PIK3CA: variants seen among roughly 807,000 people sequenced by gnomAD.
PIK3CA encodes the protein phosphatidylinositol-4,5-bisphosphate 3-kinase catalytic subunit alpha.
In PIK3CA, 27 loss-of-function variants were observed where a neutral mutation model predicts 138.2. The observed-to-expected ratio is 0.20, with a 90% confidence interval of 0.14 to 0.27. PIK3CA has a LOEUF of 0.27. PIK3CA is among the 10% of genes least tolerant of loss of function. PIK3CA has a pLI of 1.00. For synonymous variants in PIK3CA, 358 were observed against 413.2 expected, an observed-to-expected ratio of 0.87 and a Z score of 1.62; for missense variants, 544 against 1,277.4, an observed-to-expected ratio of 0.43 and a Z score of 8.75.
intron 1 of PIK3CA, among the ~76,000 whole-genome samples, chr3:179,176,598 A>G (rs954355358): frequency 8.5e-5 from 13 of 152,250 alleles, no homozygotes; most frequent in Non-Finnish European, 1.8e-4. Context: ...CTGTTCCTTC[A>G]CGACTTTGCT....
At chr3:179,161,247 T>C (rs772470028) in intron 1 of PIK3CA, among the ~76,000 whole-genome samples, 17 of 152,224 alleles carry the variant, frequency 1.1e-4, no homozygotes, top group Non-Finnish European at 1.8e-4. Flanking sequence ...CATAGATTTG[T>C]CACCTTATTT....
intron 1 of PIK3CA, among the ~76,000 whole-genome samples, chr3:179,194,354 C>T (rs577947439): frequency 6.6e-6 from 1 of 152,094 alleles, no homozygotes; most frequent in Admixed American, 6.6e-5. Flanking sequence ...CTCCTGAGTA[C>T]CTGGGACCAT....
chr3:179,171,769 T>G (rs114674484), intron 1 of PIK3CA, among the ~76,000 whole-genome samples: 3,803 of 152,144 alleles, frequency 0.025, 168 homozygotes, highest in African/African-American at 0.087. Flanking sequence ...AAAGAAAATC[T>G]GGGCTTTAAT....
chr3:179,156,167 G>A (rs1443210167), intron 1 of PIK3CA, among the ~76,000 whole-genome samples: 1 of 152,212 alleles, frequency 6.6e-6, no homozygotes, highest in East Asian at 1.9e-4. Context: ...AGGTCCTTGT[G>A]TGAAATTCTG....
intron 1 of PIK3CA, among the ~76,000 whole-genome samples, chr3:179,172,958 A>G (rs553131367): frequency 4.6e-4 from 70 of 152,322 alleles, no homozygotes; most frequent in African/African-American, 1.6e-3. Flanking sequence ...TAGCATAAGG[A>G]TAGACATATA....
intron 18 of PIK3CA, 109 bp downstream of exon 18, chr3:179,229,551 C>A: frequency 7.3e-6 from 5 of 687,368 alleles, no homozygotes; most frequent in Non-Finnish European, 1.1e-5. Context: ...ATTGTACTTT[C>A]TATGGAAAAA....
At position 179,187,340 on chromosome 3, in the gene PIK3CA, A is replaced by G. The variant is rs561148597; in HGVS notation, c.-76-11410A>G. ...ATCACGAGGTCAGGAGATCGAGACC[A>G]TCCTGGCTAACACGGTGAAACCCCG... On this transcript the variant is annotated intron_variant, in intron 1 of 20. Coordinates refer to ENST00000263967, the MANE Select transcript of PIK3CA (RefSeq NM_006218.4). Among the ~76,000 whole-genome samples the G allele has an allele frequency of 3.2e-3, 485 of 151,938 alleles. 1 individual carries two copies. Among genetic ancestry groups the G allele is most frequent in the African/African-American group, 0.011 (467 of 41,480 alleles).
chr3:179,206,303 C>T (rs1167478432), intron 6 of PIK3CA, among the ~76,000 whole-genome samples: 6 of 152,088 alleles, frequency 3.9e-5, no homozygotes, highest in South Asian at 2.1e-4. Flanking sequence ...GGTGATCCCA[C>T]CCACCTTGGC....
chr3:179,199,302 TAAA>T, intron 2 of PIK3CA, 125 bp downstream of exon 2: 4 of 602,436 alleles, frequency 6.6e-6, no homozygotes, highest in South Asian at 2.9e-5. Flanking sequence ...ATAAAAATCA[TAAA>T]TCTAAAGTAT....
Position 179,224,170 on chromosome 3 carries a change from T to C in PIK3CA, c.2277T>C (p.His759=), listed in dbSNP as rs1056341727. Residue 759 remains histidine, a synonymous_variant, in exon 15 of 21, where the codon CAT becomes CAC. Transcript: ENST00000263967. ...TTCTGTCTCCTCTAAACCCTGCTCA[T>C]CAACTAGGAAACCTCAGGTACTTTC... ...QGFLSPLNPA[H]QLGNLRLEEC... 1 of 1,564,690 alleles carries C rather than the reference T, an allele frequency of 6.4e-7. No homozygotes were observed. The highest frequency in any genetic ancestry group is 8.7e-7 in the Non-Finnish European group (1 of 1,143,136).
At chr3:179,222,289 G>A (rs1385384458) in intron 14 of PIK3CA, among the ~76,000 whole-genome samples, 1 of 152,084 alleles carries the variant, frequency 6.6e-6, no homozygotes, top group Non-Finnish European at 1.5e-5. Flanking sequence ...GTCATACAGT[G>A]TGAGTTGATT....
intron 1 of PIK3CA, among the ~76,000 whole-genome samples, chr3:179,181,042 T>C (rs1460153023): frequency 6.6e-6 from 1 of 151,974 alleles, no homozygotes. Flanking sequence ...TTTGTGTGTT[T>C]TGTCCTGGCA....
At chr3:179,205,449 T>A (rs1560140247) in intron 6 of PIK3CA, among the ~76,000 whole-genome samples, 1 of 152,184 alleles carries the variant, frequency 6.6e-6, no homozygotes, top group Non-Finnish European at 1.5e-5. Flanking sequence ...ATTAAAAACC[T>A]AGCATTTTAT....
At chr3:179,166,688 CAATT>C (rs1162239824) in intron 1 of PIK3CA, among the ~76,000 whole-genome samples, 1 of 152,176 alleles carries the variant, frequency 6.6e-6, no homozygotes, top group Admixed American at 6.5e-5. Context: ...TATTCTGCAA[CAATT>C]AAGGCAAACA....
intron 1 of PIK3CA, among the ~76,000 whole-genome samples, chr3:179,158,428 T>C (rs1350389710): frequency 2.0e-5 from 3 of 152,134 alleles, no homozygotes; most frequent in Non-Finnish European, 2.9e-5. Flanking sequence ...CCAGCACTTA[T>C]CTTAATAGCA....
chr3:179,212,878 T>A (rs1724751178), intron 9 of PIK3CA, among the ~76,000 whole-genome samples: 1 of 152,246 alleles, frequency 6.6e-6, no homozygotes, highest in Non-Finnish European at 1.5e-5. Context: ...ATAGTACATA[T>A]ACCAAGTAAG....
intron 1 of PIK3CA, among the ~76,000 whole-genome samples, chr3:179,154,048 C>G (rs1723073731): frequency 6.6e-6 from 1 of 152,192 alleles, no homozygotes; most frequent in Non-Finnish European, 1.5e-5. Flanking sequence ...CTTTCCCTCT[C>G]TACCTATACA....
chr3:179,182,927 A>AT lies in PIK3CA; in HGVS notation c.-76-15817dup, dbSNP rs1208857715. On this transcript the variant is annotated intron_variant, in intron 1 of 20. Transcript: ENST00000263967. The stretch of plus-strand genomic sequence containing the variant: ...CTGTATTGTATTATCGAAAAGATGG[A>AT]TTTTTTAGAAATCTGTGCTTACATG... Among the ~76,000 whole-genome samples, 5 of 152,306 alleles carry AT rather than the reference A, an allele frequency of 3.3e-5. No homozygotes were observed. In the East Asian group the frequency reaches 9.6e-4, roughly 29 times the overall value.
At chr3:179,226,788 T>A (rs946529140) in intron 17 of PIK3CA, among the ~76,000 whole-genome samples, 2 of 152,150 alleles carry the variant, frequency 1.3e-5, no homozygotes, top group Non-Finnish European at 2.9e-5. Context: ...AGTTGTACCC[T>A]TTTATTGCAA....
Sources: gnomAD v4.1 joint callset for allele counts (sites outside exome capture counted in the v4.1 genomes callset) on GRCh38, gnomAD v4.1.1 for gene constraint, MANE v1.5 for transcripts, NCBI Gene and HGNC (gene_info 2026-07-23, HGNC 2026-07-21) for gene names.